ZNF341: variants seen among roughly 807,000 people sequenced by gnomAD.
The protein encoded by ZNF341 is zinc finger protein 341.
Under a neutral mutation model 87.7 loss-of-function variants are expected in ZNF341, and 52 were observed. The observed-to-expected ratio is 0.59, with a 90% CI of 0.47 to 0.75. ZNF341 has a LOEUF of 0.75. Ranked by LOEUF, ZNF341 falls within the 30% of genes least tolerant of loss-of-function variation. ZNF341 has a pLI of 0.00. For missense variants in ZNF341, 977 were observed against 1,145.9 expected, an observed-to-expected ratio of 0.85 and a Z score of 2.13; for synonymous variants, 459 against 472.7, an observed-to-expected ratio of 0.97 and a Z score of 0.38.
chr20:33,745,396 G>A, intron 3 of ZNF341, 97 bp downstream of exon 3: 1 of 1,239,556 alleles, frequency 8.1e-7, no homozygotes, highest in Non-Finnish European at 1.1e-6. Flanking sequence ...GGATAAGACA[G>A]ACCAAGTCCC....
intron 1 of ZNF341, among the ~76,000 whole-genome samples, chr20:33,737,112 A>G (rs1257079844): frequency 1.3e-5 from 2 of 152,100 alleles, no homozygotes; most frequent in Admixed American, 1.3e-4. Context: ...TGATGGGGAA[A>G]GTGTTTTGGT....
intron 4 of ZNF341, chr20:33,752,556 A>G: frequency 2.5e-6 from 1 of 406,630 alleles, no homozygotes; most frequent in Admixed American, 3.5e-5. Flanking sequence ...TGCTGGGTCC[A>G]AGATGGAAAG....
intron 4 of ZNF341, among the ~76,000 whole-genome samples, chr20:33,751,599 G>A (rs771684339): frequency 2.6e-5 from 4 of 152,010 alleles, no homozygotes; most frequent in Admixed American, 6.6e-5. Context: ...CTGAGACAGG[G>A]TCTCACTTCA....
intron 12 of ZNF341, among the ~76,000 whole-genome samples, chr20:33,785,383 C>A (rs1215365141): frequency 6.6e-6 from 1 of 152,048 alleles, no homozygotes; most frequent in East Asian, 1.9e-4. Context: ...CACTCTGTCA[C>A]CCAGGCTGGA....
At position 33,789,521 on chromosome 20, in the gene ZNF341, G is replaced by T. The variant is rs751098136; in HGVS notation, c.1968G>T (p.Thr656=). ...PFKKYKCPFS[T]HTGCSKEFNR... ...GACCAGTGGCTTTGGGTTTTAGGACGCACACAGGCTGCAGTAAGGAGTTCA... is the reference window on the plus strand; with the variant it reads ...GACCAGTGGCTTTGGGTTTTAGGACTCACACAGGCTGCAGTAAGGAGTTCA... Residue 656 remains threonine, a synonymous_variant, in exon 14 of 15, where the codon ACG becomes ACT. Transcript: ENST00000375200. The T allele has an allele frequency of 6.2e-6, 10 of 1,613,864 alleles. No individual in the cohort carries two copies. The highest frequency in any genetic ancestry group is 1.3e-5 in the African/African-American group (1 of 74,918).
At chr20:33,759,756 A>C (rs1166482445) in intron 7 of ZNF341, among the ~76,000 whole-genome samples, 1 of 151,552 alleles carries the variant, frequency 6.6e-6, no homozygotes, top group Non-Finnish European at 1.5e-5. Context: ...TTATAACAAA[A>C]GGAGAGAGAG....
At chr20:33,737,770 A>G (rs1041391887) in intron 1 of ZNF341, among the ~76,000 whole-genome samples, 1 of 152,240 alleles carries the variant, frequency 6.6e-6, no homozygotes. Flanking sequence ...TGGCGAGTCT[A>G]CGTGGAGCCA....
intron 8 of ZNF341, among the ~76,000 whole-genome samples, chr20:33,763,687 G>T (rs953977427): frequency 6.6e-6 from 1 of 152,238 alleles, no homozygotes; most frequent in East Asian, 1.9e-4. Flanking sequence ...CACTGTAGTT[G>T]ATCAGAAGTT....
Position 33,745,367 on chromosome 20 carries a change from G to C in ZNF341, c.339+68G>C, listed in dbSNP as rs2018897154. 2.0e-6 allele frequency: 3 copies of C among 1,491,440 alleles called. No individual in the cohort carries two copies. The Admixed American group carries it at 5.9e-5, about 30-fold the overall frequency. The allele number at this position is 1,491,440 out of a possible 1,614,324, so 92.4% of individuals were successfully genotyped here. On this transcript the variant is annotated intron_variant, in intron 3 of 14. Coordinates refer to ENST00000375200, the MANE Select transcript of ZNF341 (RefSeq NM_001282933.2). Reference sequence around the variant, plus strand: ...CTAACATGCTCAGGCACTGTGCTGGGCACTGGGGCTATAGCAATGGATAAG... The same window carrying C: ...CTAACATGCTCAGGCACTGTGCTGGCCACTGGGGCTATAGCAATGGATAAG...
At chr20:33,737,362 C>T (rs1391867877) in intron 1 of ZNF341, among the ~76,000 whole-genome samples, 1 of 152,110 alleles carries the variant, frequency 6.6e-6, no homozygotes, top group East Asian at 1.9e-4. Context: ...CGCTCTGTTG[C>T]CCAGGCTGGA....
intron 4 of ZNF341, among the ~76,000 whole-genome samples, chr20:33,751,023 CCTCT>C (rs2019044462): frequency 6.6e-6 from 1 of 152,138 alleles, no homozygotes; most frequent in Middle Eastern, 3.2e-3. Flanking sequence ...AATCCTCCTC[CCTCT>C]GTCTCCCAAA....
At chr20:33,766,209 T>A (rs970569913) in intron 8 of ZNF341, among the ~76,000 whole-genome samples, 1 of 151,080 alleles carries the variant, frequency 6.6e-6, no homozygotes, top group African/African-American at 2.4e-5. Context: ...TATTATTATT[T>A]TTTGAGACAG....
Position 33,791,797 on chromosome 20 carries a change from C to A in ZNF341, c.*280C>A. ...AGAGATGGCTGAAGCCTGAGCAGCC[C>A]AGAGTCCCGCTGGTCTAGGCTGGTG... On this transcript the variant is annotated 3_prime_UTR_variant, in exon 15 of 15. Transcript: ENST00000375200. 2 of 402,698 alleles carry A rather than the reference C, an allele frequency of 5.0e-6. No homozygotes were observed. The highest frequency in any genetic ancestry group is 8.9e-6 in the Non-Finnish European group (2 of 225,400). 24.9% of individuals were successfully genotyped at this position (402,698 alleles called of 1,614,324 possible). A position where few individuals can be genotyped will look rare whatever the true frequency, so the allele number is the denominator to read the frequency against.
At position 33,753,631 on chromosome 20, in the gene ZNF341, C is replaced by T. The variant is rs191838828; in HGVS notation, c.741+208C>T. Among the ~76,000 whole-genome samples, 227 of 152,192 alleles carry T rather than the reference C, an allele frequency of 1.5e-3. 1 individual carries two copies. Among genetic ancestry groups the T allele is most frequent in the East Asian group, 1.5e-3 (8 of 5,180 alleles). Reference sequence around the variant, plus strand: ...ACACCCACAGATGTAAGATGCAAGCCATGAGAAGGTGGAATGGAGTACAGG... The same window carrying T: ...ACACCCACAGATGTAAGATGCAAGCTATGAGAAGGTGGAATGGAGTACAGG... On this transcript the variant is annotated intron_variant, in intron 5 of 14. Coordinates refer to ENST00000375200, the MANE Select transcript of ZNF341 (RefSeq NM_001282933.2).
intron 6 of ZNF341, 119 bp downstream of exon 6, chr20:33,757,462 A>G: frequency 1.1e-6 from 1 of 892,716 alleles, no homozygotes; most frequent in Non-Finnish European, 1.5e-6. Context: ...AGAAAATTCA[A>G]AATATCAATG....
intron 11 of ZNF341, among the ~76,000 whole-genome samples, chr20:33,783,013 G>T (rs543363850): frequency 6.6e-6 from 1 of 152,202 alleles, no homozygotes; most frequent in South Asian, 2.1e-4. Context: ...AATTAGCCGG[G>T]AGTGGTGGCA....
intron 1 of ZNF341, among the ~76,000 whole-genome samples, chr20:33,739,446 G>T (rs1308442234): frequency 2.0e-5 from 3 of 152,216 alleles, no homozygotes; most frequent in Non-Finnish European, 4.4e-5. Context: ...ATGTGAGGAG[G>T]CCTGTCATCC....
At position 33,770,186 on chromosome 20, in the gene ZNF341, C is replaced by T. The variant is rs1357406109; in HGVS notation, c.1516C>T (p.His506Tyr). 10 of 1,614,164 alleles carry T rather than the reference C, an allele frequency of 6.2e-6. No individual in the cohort carries two copies. The highest frequency in any genetic ancestry group is 8.5e-6 in the Non-Finnish European group (10 of 1,180,006). ...CCAGGAGGAGCTGAGCTACCGCTGC[C>T]ACCTCTGCGGCAAGGACTTCCCCTC... ...SHQEELSYRC[H>Y]LCGKDFPSLY... Residue 506 changes from histidine to tyrosine, a missense_variant, in exon 10 of 15, where the codon CAC becomes TAC. By Grantham distance (83) the His-to-Tyr change is moderately conservative (BLOSUM62 2). Coordinates refer to ENST00000375200, the MANE Select transcript of ZNF341 (RefSeq NM_001282933.2).
intron 10 of ZNF341, among the ~76,000 whole-genome samples, chr20:33,778,839 T>C (rs1044276833): frequency 1.3e-5 from 2 of 152,256 alleles, no homozygotes; most frequent in Non-Finnish European, 2.9e-5. Context: ...CTTTTTTCTT[T>C]TCTTTTTTTG....
Sources: gnomAD v4.1 joint callset for allele counts (sites outside exome capture counted in the v4.1 genomes callset) on GRCh38, gnomAD v4.1.1 for gene constraint, MANE v1.5 for transcripts, NCBI Gene and HGNC (gene_info 2026-07-23, HGNC 2026-07-21) for gene names.